Variants in KAZN observed in about 807,000 individuals in gnomAD.
KAZN encodes kazrin, periplakin interacting protein.
A neutral mutation model predicts 87.4 loss-of-function variants in KAZN; 40 were observed. That is an observed-to-expected ratio of 0.46 (90% CI 0.36 to 0.60). The LOEUF is 0.60. KAZN is among the 20% of genes least tolerant of loss of function. KAZN has a pLI of 0.00. For synonymous variants in KAZN, 466 were observed against 458.3 expected, an observed-to-expected ratio of 1.02 and a Z score of -0.22; for missense variants, 898 against 1,073.9, an observed-to-expected ratio of 0.84 and a Z score of 2.29.
At chr1:14,842,952 T>C (rs752775696) in intron 1 of KAZN, among the ~76,000 whole-genome samples, 4 of 152,218 alleles carry the variant, frequency 2.6e-5, no homozygotes, top group Admixed American at 2.6e-4. Flanking sequence ...GATTGGTATA[T>C]TGCTGTTTCT....
intron 1 of KAZN, among the ~76,000 whole-genome samples, chr1:14,025,103 C>G (rs989009575): frequency 6.6e-6 from 1 of 152,196 alleles, no homozygotes; most frequent in Non-Finnish European, 1.5e-5. Flanking sequence ...CCCAGAGTTC[C>G]AAACAGAACA....
At chr1:14,312,820 C>A (rs1034594900) in intron 2 of KAZN, among the ~76,000 whole-genome samples, 1 of 152,062 alleles carries the variant, frequency 6.6e-6, no homozygotes, top group Non-Finnish European at 1.5e-5. Flanking sequence ...TGAGCGTGAC[C>A]TCTGGCCTAT....
chr1:14,703,320 G>A (rs554153369), intron 1 of KAZN, among the ~76,000 whole-genome samples: 14 of 152,310 alleles, frequency 9.2e-5, no homozygotes, highest in African/African-American at 3.4e-4. Context: ...CATGGGTCAT[G>A]GGAGGGACCA....
chr1:14,167,137 A>G (rs181055908), intron 1 of KAZN, among the ~76,000 whole-genome samples: 13 of 152,390 alleles, frequency 8.5e-5, no homozygotes, highest in Non-Finnish European at 1.3e-4. Context: ...GCAGGAATGC[A>G]GAGTGGTGCA....
intron 1 of KAZN, among the ~76,000 whole-genome samples, chr1:14,119,089 C>A (rs4573511): frequency 0.56 from 84,561 of 151,982 alleles, 24,494 homozygotes; most frequent in East Asian, 0.75. Context: ...GATTCTGAAT[C>A]TTTTTCAGAG....
Position 14,695,510 on chromosome 1 carries a change from C to CTTTTTTTTTTTTTT in KAZN, c.226+96289_226+96302dup, listed in dbSNP as rs112667110. Among the ~76,000 whole-genome samples the CTTTTTTTTTTTTTT allele has an allele frequency of 1.9e-3, 164 of 85,020 alleles. 25 individuals carry two copies. Among genetic ancestry groups the CTTTTTTTTTTTTTT allele is most frequent in the Non-Finnish European group, 3.4e-3 (125 of 36,476 alleles). 55.8% of individuals were successfully genotyped at this position (85,020 alleles called of 152,430 possible). A position where few individuals can be genotyped will look rare whatever the true frequency, so the allele number is the denominator to read the frequency against. On this transcript the variant is annotated intron_variant, in intron 1 of 14. Transcript: ENST00000376030. ...CCTCTTTCCCCAGACTACATTCCATCTTTTTTTTTTTTTTTGATGGAGTCT... is the reference window on the plus strand; with the variant it reads ...CCTCTTTCCCCAGACTACATTCCATCTTTTTTTTTTTTTTTTTTTTTTTTTTTTTGATGGAGTCT...
chr1:14,427,228 G>C (rs1665782688), intron 2 of KAZN, among the ~76,000 whole-genome samples: 1 of 152,106 alleles, frequency 6.6e-6, no homozygotes, highest in Admixed American at 6.6e-5. Flanking sequence ...CATGGTGTCG[G>C]TACACCCTTC....
chr1:14,193,570 C>G (rs1217181038), intron 2 of KAZN, among the ~76,000 whole-genome samples: 1 of 152,044 alleles, frequency 6.6e-6, no homozygotes, highest in African/African-American at 2.4e-5. Flanking sequence ...GTTGTATCAG[C>G]CACCCAGTCT....
At chr1:14,343,061 A>G (rs959622352) in intron 2 of KAZN, among the ~76,000 whole-genome samples, 1 of 152,164 alleles carries the variant, frequency 6.6e-6, no homozygotes, top group African/African-American at 2.4e-5. Flanking sequence ...GAATCACTTG[A>G]ACCCGGGAGG....
At chr1:14,312,614 C>T (rs1190856645) in intron 2 of KAZN, among the ~76,000 whole-genome samples, 2 of 152,104 alleles carry the variant, frequency 1.3e-5, no homozygotes, top group African/African-American at 2.4e-5. Context: ...TAGAAACACC[C>T]TTGTATAATC....
chr1:14,643,057 A>AATGTTTTT (rs1286564712), intron 1 of KAZN, among the ~76,000 whole-genome samples: 1 of 152,222 alleles, frequency 6.6e-6, no homozygotes, highest in Admixed American at 6.5e-5. Flanking sequence ...GTATGTTGTG[A>AATGTTTTT]ATGTTTTTAG....
chr1:14,753,978 G>A (rs767131484), intron 1 of KAZN, among the ~76,000 whole-genome samples: 13 of 152,144 alleles, frequency 8.5e-5, no homozygotes, highest in Non-Finnish European at 1.5e-4. Context: ...AGAGGGTGCC[G>A]CAAATGTGGG....
At chr1:14,018,846 T>C (rs1557785384) in intron 1 of KAZN, among the ~76,000 whole-genome samples, 1 of 152,174 alleles carries the variant, frequency 6.6e-6, no homozygotes, top group Non-Finnish European at 1.5e-5. Flanking sequence ...AATGACACCA[T>C]TAGCTTCCCT....
chr1:14,576,331 T>C (rs10754862), intron 2 of KAZN, among the ~76,000 whole-genome samples: 61,742 of 135,296 alleles, frequency 0.46, 13,519 homozygotes, highest in Middle Eastern at 0.54. Context: ...GATGGATGGA[T>C]GGACGGACAG....
chr1:14,204,211 T>C (rs1167045868), intron 2 of KAZN, among the ~76,000 whole-genome samples: 1 of 152,262 alleles, frequency 6.6e-6, no homozygotes, highest in Admixed American at 6.5e-5. Context: ...CATTTCACTC[T>C]GGTTTTCTCA....
intron 1 of KAZN, among the ~76,000 whole-genome samples, chr1:14,137,979 G>T (rs544482977): frequency 6.6e-6 from 1 of 152,138 alleles, no homozygotes; most frequent in Non-Finnish European, 1.5e-5. Context: ...CTCTTTTAAA[G>T]CTTTGATTTC....
chr1:14,109,925 C>T lies in KAZN; in HGVS notation c.92-70510C>T, dbSNP rs1000086666. 7.5e-4 allele frequency among the ~76,000 whole-genome samples: 63 copies of T among 84,358 alleles called. 18 individuals carry two copies. The highest frequency in any genetic ancestry group is 3.2e-3 in the African/African-American group (63 of 19,748). The allele number at this position is 84,358 out of a possible 152,430, so 55.3% of individuals were successfully genotyped here. ...GGATGGAGGCATTTTTTTCCCCTAC[C>T]ATTTCTCTATAGCCTATGTTAATTT... On this transcript the variant is annotated intron_variant, in intron 1 of 16. Transcript: ENST00000636203.
rs1453361291 is a variant in KAZN, at chr1:14,225,448, A to G, written c.249+44856A>G. On this transcript the variant is annotated intron_variant, in intron 2 of 16. Coordinates refer to the KAZN transcript ENST00000636203. Reference sequence around the variant, plus strand: ...AAGAATCAATATCATGAAAATGGCCATACTGCCCAAAGCAATTTACAGATT... The same window carrying G: ...AAGAATCAATATCATGAAAATGGCCGTACTGCCCAAAGCAATTTACAGATT... Among the ~76,000 whole-genome samples, 3 of 152,200 alleles carry G rather than the reference A, an allele frequency of 2.0e-5. No homozygotes were observed. The East Asian group carries it at 5.8e-4, about 29-fold the overall frequency.
intron 2 of KAZN, among the ~76,000 whole-genome samples, chr1:14,236,395 G>A (rs1359003108): frequency 6.6e-6 from 1 of 152,128 alleles, no homozygotes; most frequent in Non-Finnish European, 1.5e-5. Context: ...TGTGCAGTAG[G>A]ATTGACTTCT....
Sources: allele counts gnomAD v4.1 joint callset (sites outside exome capture counted in the v4.1 genomes callset), GRCh38; gene constraint gnomAD v4.1.1; transcripts MANE v1.5; gene names NCBI Gene and HGNC (gene_info 2026-07-23, HGNC 2026-07-21).